The following RPL7 variants were observed in gnomAD, a reference collection of about 807,000 sequenced individuals.
RPL7 encodes ribosomal protein L7.
For synonymous variants in RPL7, 100 were observed against 102.2 expected (o/e 0.98, Z 0.13); for missense variants, 205 against 301.9 (o/e 0.68, Z 2.38).
rs759108563 is a variant in RPL7, at chr8:73,292,817, A to T, written c.15-20T>A. ...TTCTCTCTAACGTTAATAAACAAAAATGTTATCAATAGCTCAAAAAGCTCA... is the reference window on the plus strand; with the variant it reads ...TTCTCTCTAACGTTAATAAACAAAATTGTTATCAATAGCTCAAAAAGCTCA... On this transcript the variant is annotated intron_variant, in intron 1 of 6. Transcript: ENST00000352983. 3 of 1,555,706 alleles carry T rather than the reference A, an allele frequency of 1.9e-6. No individual in the cohort carries two copies. Among genetic ancestry groups the T allele is most frequent in the Non-Finnish European group, 2.6e-6 (3 of 1,134,550 alleles).
intron 2 of RPL7, 97 bp downstream of exon 2, chr8:73,292,592 T>C (rs1283879102): frequency 1.8e-6 from 2 of 1,083,412 alleles, no homozygotes; most frequent in South Asian, 1.5e-5. Flanking sequence ...AATTACTCAG[T>C]ACAGTTAGGA....
chr8:73,292,642 C>A, intron 2 of RPL7, 47 bp downstream of exon 2: 1 of 1,385,996 alleles, frequency 7.2e-7, no homozygotes, highest in South Asian at 1.2e-5. Context: ...TCCTCAATCC[C>A]AATAAGGCGC....
At chr8:73,292,107 A>G (rs1814111177) in intron 3 of RPL7, 132 bp downstream of exon 3, 13 of 1,100,178 alleles carry the variant, frequency 1.2e-5, no homozygotes, top group Admixed American at 2.4e-5. Flanking sequence ...ATTAGTGATC[A>G]GCACCCTCCT....
chr8:73,292,295 A>G lies in RPL7; in HGVS notation c.234T>C (p.Ala78=), dbSNP rs1814118208. 5 of 1,612,392 alleles carry G rather than the reference A, an allele frequency of 3.1e-6. No individual in the cohort carries two copies. Among genetic ancestry groups the G allele is most frequent in the Non-Finnish European group, 4.2e-6 (5 of 1,179,650 alleles). The change falls in exon 3 of 7, where the codon GCT becomes GCC. Residue 78 remains alanine (A), a synonymous_variant. Transcript: ENST00000352983. ...GTTCTGCAGGTACATAGAAGTTGCCAGCTTTTCTTGCCATCCTCGCCATTC... is the reference window on the plus strand; with the variant it reads ...GTTCTGCAGGTACATAGAAGTTGCCGGCTTTTCTTGCCATCCTCGCCATTC... ...EIRMARMARK[A]GNFYVPAEPK...
At chr8:73,293,906 G>T (rs536762061), upstream of RPL7, 220 of 389,498 alleles carry the variant, frequency 5.6e-4, no homozygotes, top group Non-Finnish European at 9.3e-4. Flanking sequence ...TGCGCTGACA[G>T]GATTAGGCTC....
Position 73,293,495 on chromosome 8 carries a change from G to C in RPL7, c.14+104C>G. On this transcript the variant is annotated intron_variant, in intron 1 of 6. Transcript: ENST00000352983. Reference sequence around the variant, plus strand: ...ACAGCGTTCACAATCAAGCAGGGAGGTGGGCAAAGGTGCAAGCTACGGCCA... The same window carrying C: ...ACAGCGTTCACAATCAAGCAGGGAGCTGGGCAAAGGTGCAAGCTACGGCCA... 2.9e-6 allele frequency: 4 copies of C among 1,397,682 alleles called. No individual in the cohort carries two copies. The South Asian group carries it at 4.9e-5, about 17-fold the overall frequency. 86.6% of individuals were successfully genotyped at this position (1,397,682 alleles called of 1,614,324 possible).
intron 1 of RPL7, 183 bp downstream of exon 1, chr8:73,293,416 C>T (rs1563544181): frequency 4.6e-6 from 3 of 657,684 alleles, no homozygotes; most frequent in Non-Finnish European, 7.8e-6. Flanking sequence ...CCAAAACCTC[C>T]GTCCTAAGAC....
intron 2 of RPL7, 37 bp from the exon 3 acceptor site, chr8:73,292,442 T>C: frequency 1.9e-6 from 3 of 1,553,308 alleles, no homozygotes; most frequent in Non-Finnish European, 2.6e-6. Flanking sequence ...AATTTTTAGC[T>C]CAATCACAAT....
At chr8:73,291,947 C>A in intron 3 of RPL7, 37 bp from the exon 4 acceptor site, 1 of 1,600,450 alleles carries the variant, frequency 6.2e-7, no homozygotes, top group Non-Finnish European at 8.6e-7. Flanking sequence ...ATTTGCCTTT[C>A]ATCGAAATTT....
At position 73,292,650 on chromosome 8, in the gene RPL7, C is replaced by A. The variant is rs757902195; in HGVS notation, c.123+39G>T. On this transcript the variant is annotated intron_variant, in intron 2 of 6. Transcript: ENST00000352983. ...CACCTCATCCTCAATCCCAATAAGG[C>A]GCCTCCTTATGTGCTAGTGCCTCAA... 4.9e-6 allele frequency: 7 copies of A among 1,428,558 alleles called. No homozygotes were observed. The South Asian group carries it at 7.2e-5, about 15-fold the overall frequency. The allele number at this position is 1,428,558 out of a possible 1,614,324, so 88.5% of individuals were successfully genotyped here.
chr8:73,291,469 C>T (rs1814094687), intron 5 of RPL7, 83 bp downstream of exon 5: 10 of 1,054,990 alleles, frequency 9.5e-6, no homozygotes, highest in Non-Finnish European at 1.4e-5. Context: ...TGAAGATTCA[C>T]AATAGTGAGA....
At chr8:73,293,714 A>T, upstream of RPL7, 1 of 1,473,270 alleles carries the variant, frequency 6.8e-7, no homozygotes, top group Non-Finnish European at 9.3e-7. Context: ...AATAAGCCGG[A>T]AAAGAATCCA....
chr8:73,293,899 G>A (rs1184969772), upstream of RPL7: 2 of 403,078 alleles, frequency 5.0e-6, no homozygotes, highest in Non-Finnish European at 4.7e-6. Context: ...CCCAGGCTGC[G>A]CTGACAGGAT....
Position 73,291,235 on chromosome 8 carries a change from A to T in RPL7, c.556T>A (p.Cys186Ser). 1 of 1,608,796 alleles carries T rather than the reference A, an allele frequency of 6.2e-7. No homozygotes were observed. Among genetic ancestry groups the T allele is most frequent in the South Asian group, 1.1e-5 (1 of 90,130 alleles). ...ATCTCATGAATCAAATCCTCCATGCAGATGATGCCGTATTTACCTAAATAT... is the reference window on the plus strand; with the variant it reads ...ATCTCATGAATCAAATCCTCCATGCTGATGATGCCGTATTTACCTAAATAT... ...ARSLGKYGII[C>S]MEDLIHEIYT... Residue 186 changes from cysteine to serine, a missense_variant, in exon 6 of 7, where the codon TGC (cysteine) becomes AGC (serine). By Grantham distance (112) the Cys-to-Ser change is moderately radical. Transcript: ENST00000352983.
At position 73,292,235 on chromosome 8, in the gene RPL7, T is replaced by C; in HGVS notation, c.290+4A>G. ...AAACCCGAATGCAGTAAAACTGAAC[T>C]TACCCTCTGATTCTGATGACAAACG... is the stretch of plus-strand genomic sequence containing the variant. On this transcript the variant is annotated splice_donor_region_variant and intron_variant, in intron 3 of 6. Coordinates refer to ENST00000352983, the MANE Select transcript of RPL7 (RefSeq NM_000971.4). 1.2e-6 allele frequency: 2 copies of C among 1,610,500 alleles called. No homozygotes were observed. Among genetic ancestry groups the C allele is most frequent in the Non-Finnish European group, 8.5e-7 (1 of 1,178,172 alleles).
upstream of RPL7, chr8:73,293,637 T>G: frequency 6.2e-7 from 1 of 1,613,432 alleles, no homozygotes; most frequent in East Asian, 2.2e-5. Context: ...AAAGAGGAAG[T>G]TGGCGCATGC....
In RPL7 at chr8:73,292,401, C is replaced by A; in HGVS notation, c.128G>T (p.Arg43Leu). The A allele has an allele frequency of 3.8e-6, 6 of 1,593,954 alleles. No individual in the cohort carries two copies. Among genetic ancestry groups the A allele is most frequent in the Non-Finnish European group, 4.3e-6 (5 of 1,175,862 alleles). Residue 43 changes from arginine to leucine, a missense_variant, in exon 3 of 7, where the codon CGA (arginine) becomes CTA (leucine). Physicochemically the swap from Arg to Leu is moderately radical, Grantham distance 102 (BLOSUM62 -2). Transcript: ENST00000352983. The stretch of plus-strand genomic sequence containing the variant: ...ATAGATAAGCTTCCTCCTTGCCTTT[C>A]GAAGCTGAAAACCAATAATCAGTTA... ...LRKKFAQKMLRKARRKLIYEK... is the reference protein window; with the variant it reads ...LRKKFAQKMLLKARRKLIYEK...
intron 6 of RPL7, 23 bp downstream of exon 6, chr8:73,291,020 T>G (rs1472643044): frequency 6.4e-7 from 1 of 1,571,310 alleles, no homozygotes; most frequent in South Asian, 1.1e-5. Context: ...TAACTCAACC[T>G]TTCTCAGGAT....
rs761020375 is a variant in RPL7 at position 73,291,699 on chromosome 8, G to A, written c.429-38C>T. On this transcript the variant is annotated intron_variant, in intron 4 of 6. Transcript: ENST00000352983. ...AGCAAACATAAATAAGGTGACCACT[G>A]TTAAAACATCTAAAATTCATGTTGC... 1.1e-5 allele frequency: 17 copies of A among 1,590,158 alleles called. No individual in the cohort carries two copies. In the African/African-American group the frequency reaches 1.2e-4, roughly 11 times the overall value.
Sources: gnomAD v4.1 joint callset for allele counts on GRCh38, gnomAD v4.1.1 for gene constraint, MANE v1.5 for transcripts, NCBI Gene and HGNC (gene_info 2026-07-23, HGNC 2026-07-21) for gene names.